Variants in ATG4C observed in about 807,000 individuals in gnomAD.
The protein encoded by ATG4C is cysteine protease ATG4C.
In ATG4C, 56 loss-of-function variants were observed where a neutral mutation model predicts 57.6. The observed-to-expected ratio is 0.97, with a 90% confidence interval of 0.78 to 1.21. ATG4C has a LOEUF of 1.21. Ranked by LOEUF, ATG4C falls within the 50% of genes most tolerant of loss-of-function variation. The probability of loss-of-function intolerance (pLI) is 0.00; values close to 1 mark genes in which losing one functional copy is unlikely to be tolerated. For synonymous variants in ATG4C, 157 were observed against 174.1 expected (o/e 0.90, Z 0.78); for missense variants, 595 against 529.8 (o/e 1.12, Z -1.21).
At chr1:62,849,454 A>C (rs1376906170) in intron 10 of ATG4C, among the ~76,000 whole-genome samples, 1 of 151,472 alleles carries the variant, frequency 6.6e-6, no homozygotes, top group Non-Finnish European at 1.5e-5. Flanking sequence ...ATTTCTCAAG[A>C]CTTAAATTGT....
chr1:62,817,256 C>T (rs1391949221), intron 4 of ATG4C, among the ~76,000 whole-genome samples: 2 of 151,876 alleles, frequency 1.3e-5, no homozygotes, highest in Non-Finnish European at 2.9e-5. Flanking sequence ...TTATTTTCTC[C>T]CTACATGTCA....
At chr1:62,796,080 C>T (rs952785036) in intron 1 of ATG4C, among the ~76,000 whole-genome samples, 2 of 151,668 alleles carry the variant, frequency 1.3e-5, no homozygotes, top group African/African-American at 4.8e-5. Flanking sequence ...AGAAGACATC[C>T]TATTACAAAA....
intron 1 of ATG4C, among the ~76,000 whole-genome samples, chr1:62,795,235 G>A (rs1024606534): frequency 4.6e-5 from 7 of 152,222 alleles, no homozygotes; most frequent in Non-Finnish European, 7.3e-5. Flanking sequence ...CTTATTGCTA[G>A]ATGGGAGAGG....
chr1:62,834,075 G>T lies in ATG4C; in HGVS notation c.971G>T (p.Gly324Val). Residue 324 changes from glycine (G) to valine (V), a missense_variant, in exon 8 of 11, where the codon GGT becomes GTT. Transcript: ENST00000317868. ...LSLEYCVGII[G>V]GKPKQSYYFA... ...CTGGAATATTGTGTGGGTATTATTG[G>T]TGGCAAACCTAAACAGTCATATTAC... The T allele has an allele frequency of 6.2e-7, 1 of 1,612,788 alleles. No individual in the cohort carries two copies. Among genetic ancestry groups the T allele is most frequent in the Non-Finnish European group, 8.5e-7 (1 of 1,179,264 alleles).
chr1:62,815,284 T>C (rs1197863127), intron 3 of ATG4C, among the ~76,000 whole-genome samples: 1 of 152,152 alleles, frequency 6.6e-6, no homozygotes, highest in Non-Finnish European at 1.5e-5. Context: ...TATAACTTTT[T>C]ATTGTTATTT....
chr1:62,822,987 A>G (rs771905443), intron 6 of ATG4C, among the ~76,000 whole-genome samples: 2 of 152,044 alleles, frequency 1.3e-5, no homozygotes, highest in Non-Finnish European at 2.9e-5. Context: ...AAACCCTGTC[A>G]CTACAAAAAA....
chr1:62,856,608 A>G (rs756716000), intron 10 of ATG4C, among the ~76,000 whole-genome samples: 1 of 152,212 alleles, frequency 6.6e-6, no homozygotes, highest in Non-Finnish European at 1.5e-5. Flanking sequence ...GTATCAGCCA[A>G]GTTTTGAACT....
At chr1:62,808,603 A>C (rs1020991492) in intron 3 of ATG4C, among the ~76,000 whole-genome samples, 12 of 152,224 alleles carry the variant, frequency 7.9e-5, no homozygotes, top group Non-Finnish European at 1.6e-4. Context: ...CACAAAATTC[A>C]TAATAGTATA....
chr1:62,823,233 G>A (rs1052451526), intron 6 of ATG4C, among the ~76,000 whole-genome samples: 1 of 152,122 alleles, frequency 6.6e-6, no homozygotes, highest in Admixed American at 6.5e-5. Flanking sequence ...CTCCACTTAC[G>A]TATTCTACAA....
intron 9 of ATG4C, among the ~76,000 whole-genome samples, chr1:62,837,850 G>A (rs1227104143): frequency 3.3e-5 from 5 of 152,108 alleles, no homozygotes; most frequent in Non-Finnish European, 7.4e-5. Context: ...GGAGCGTAGT[G>A]TGTAATCTCA....
intron 10 of ATG4C, among the ~76,000 whole-genome samples, chr1:62,856,752 A>G (rs960642347): frequency 6.6e-6 from 1 of 152,142 alleles, no homozygotes; most frequent in African/African-American, 2.4e-5. Context: ...AACTTTACTG[A>G]TGGAGTTTGG....
intron 10 of ATG4C, among the ~76,000 whole-genome samples, chr1:62,859,118 A>G (rs1666771648): frequency 6.6e-6 from 1 of 152,206 alleles, no homozygotes; most frequent in Non-Finnish European, 1.5e-5. Context: ...CTGAAATCCA[A>G]AATGCTTCAG....
chr1:62,784,466 G>T (rs552875102), intron 1 of ATG4C, among the ~76,000 whole-genome samples, 193 bp downstream of exon 1: 143 of 152,158 alleles, frequency 9.4e-4, no homozygotes, highest in African/African-American at 2.9e-3. Context: ...ACTCTTCCTC[G>T]CTTTGTCCTG....
At chr1:62,807,870 T>C (rs1664932719) in intron 3 of ATG4C, among the ~76,000 whole-genome samples, 1 of 152,208 alleles carries the variant, frequency 6.6e-6, no homozygotes, top group Admixed American at 6.5e-5. Flanking sequence ...GAAGTATGGG[T>C]AATCTGGAAC....
intron 10 of ATG4C, among the ~76,000 whole-genome samples, chr1:62,844,695 C>A (rs911018794): frequency 2.0e-5 from 3 of 151,912 alleles, no homozygotes; most frequent in Non-Finnish European, 2.9e-5. Flanking sequence ...TATCTTCCAC[C>A]AATCTTATTC....
intron 10 of ATG4C, among the ~76,000 whole-genome samples, chr1:62,843,843 G>C (rs1572160932): frequency 6.6e-6 from 1 of 152,060 alleles, no homozygotes; most frequent in South Asian, 2.1e-4. Flanking sequence ...AATAAGACAA[G>C]TAGACATATA....
intron 1 of ATG4C, among the ~76,000 whole-genome samples, chr1:62,790,739 G>A (rs1664249807): frequency 6.6e-6 from 1 of 152,126 alleles, no homozygotes; most frequent in South Asian, 2.1e-4. Context: ...AGACTTGTAA[G>A]CTCTAAACTT....
At position 62,807,121 on chromosome 1, in the gene ATG4C, C is replaced by T. The variant is rs904212411; in HGVS notation, c.160+1866C>T. Among the ~76,000 whole-genome samples, 10 of 152,154 alleles carry T rather than the reference C, an allele frequency of 6.6e-5. 1 individual carries two copies. Among genetic ancestry groups the T allele is most frequent in the Admixed American group, 6.5e-4 (10 of 15,268 alleles). On this transcript the variant is annotated intron_variant, in intron 3 of 10. Coordinates refer to ENST00000317868, the MANE Select transcript of ATG4C (RefSeq NM_032852.4). Reference sequence around the variant, plus strand: ...ACATTGATCATGCCCAGAAGGAGCACATCAAAATAATAACTGAATATATGC... The same window carrying T: ...ACATTGATCATGCCCAGAAGGAGCATATCAAAATAATAACTGAATATATGC...
intron 1 of ATG4C, chr1:62,785,263 A>G (rs796949569): frequency 5.3e-5 from 8 of 152,312 alleles, no homozygotes; most frequent in African/African-American, 1.9e-4. Context: ...TTTGAAAGGT[A>G]AAGTCTATGT....
Sources: gnomAD v4.1 joint callset for allele counts (sites outside exome capture counted in the v4.1 genomes callset) on GRCh38, gnomAD v4.1.1 for gene constraint, MANE v1.5 for transcripts, NCBI Gene and HGNC (gene_info 2026-07-23, HGNC 2026-07-21) for gene names.